SLC4A10: variants seen among roughly 807,000 people sequenced by gnomAD.
The protein encoded by SLC4A10 is sodium-driven chloride bicarbonate exchanger.
A neutral mutation model predicts 137.7 loss-of-function variants in SLC4A10; 42 were observed. The ratio of observed to expected loss-of-function variants is 0.30; its 90% CI spans 0.24 to 0.39. The LOEUF (loss-of-function observed/expected upper bound fraction) is 0.39. Among genes scored for constraint, SLC4A10 ranks in the 10% least tolerant of loss-of-function variants. SLC4A10 has a pLI of 1.00. For synonymous variants in SLC4A10, 474 were observed against 464.1 expected, an observed-to-expected ratio of 1.02 and a Z score of -0.27; for missense variants, 925 against 1,355.0, an observed-to-expected ratio of 0.68 and a Z score of 4.98.
intron 1 of SLC4A10, among the ~76,000 whole-genome samples, chr2:161,760,738 G>C (rs1164378413): frequency 2.0e-5 from 3 of 151,904 alleles, no homozygotes; most frequent in African/African-American, 7.3e-5. Flanking sequence ...GTCACTTATT[G>C]TATTTCCTTC....
At chr2:161,704,593 C>A (rs954953021) in intron 1 of SLC4A10, among the ~76,000 whole-genome samples, 15 of 151,432 alleles carry the variant, frequency 9.9e-5, no homozygotes, top group Non-Finnish European at 1.0e-4. Context: ...ATATTGGGAG[C>A]CATCTTTAAA....
intron 1 of SLC4A10, among the ~76,000 whole-genome samples, chr2:161,695,453 C>T (rs765267916): frequency 8.6e-5 from 13 of 151,944 alleles, no homozygotes; most frequent in African/African-American, 1.2e-4. Flanking sequence ...TCAGGAGGTA[C>T]GATTTTAGAG....
At chr2:161,740,027 C>T (rs1414539844) in intron 1 of SLC4A10, among the ~76,000 whole-genome samples, 1 of 152,184 alleles carries the variant, frequency 6.6e-6, no homozygotes, top group Admixed American at 6.5e-5. Context: ...CCATTGGCTA[C>T]TGCCCACAAG....
At chr2:161,914,525 A>C (rs969850495) in intron 15 of SLC4A10, among the ~76,000 whole-genome samples, 1 of 152,182 alleles carries the variant, frequency 6.6e-6, no homozygotes, top group African/African-American at 2.4e-5. Flanking sequence ...TTCTCTCTTC[A>C]TTACAAATGT....
intron 1 of SLC4A10, among the ~76,000 whole-genome samples, chr2:161,767,022 T>C (rs2050884831): frequency 6.8e-6 from 1 of 146,488 alleles, no homozygotes; most frequent in Non-Finnish European, 1.5e-5. Context: ...TATAATCCTT[T>C]ACCTGAAAGT....
intron 1 of SLC4A10, chr2:161,651,255 T>A (rs930798172): frequency 3.9e-5 from 6 of 152,236 alleles, no homozygotes; most frequent in Admixed American, 2.0e-4. Flanking sequence ...TGCTGAGAGC[T>A]GGACACTCAT....
In SLC4A10 at chr2:161,840,062, A is replaced by G. The variant is rs576937110; in HGVS notation, c.416+135A>G. 3.6e-5 allele frequency: 38 copies of G among 1,052,472 alleles called. No homozygotes were observed. In the East Asian group the frequency reaches 8.3e-4, roughly 23 times the overall value. The allele number at this position is 1,052,472 out of a possible 1,614,324, so 65.2% of individuals were successfully genotyped here. ...TAGAAGTTGCTCATCTAGCCTGAGCATATCCTATAACGGGATATGGGTCAG... is the reference window on the plus strand; with the variant it reads ...TAGAAGTTGCTCATCTAGCCTGAGCGTATCCTATAACGGGATATGGGTCAG... On this transcript the variant is annotated intron_variant, in intron 4 of 26. Transcript: ENST00000446997.
rs140152915 is a variant in SLC4A10 at position 161,694,863 on chromosome 2, A to T, written c.48+70297A>T. Among the ~76,000 whole-genome samples the T allele has an allele frequency of 2.6e-3, 392 of 152,146 alleles. 1 individual carries two copies. The highest frequency in any genetic ancestry group is 8.9e-3 in the African/African-American group (369 of 41,558). On this transcript the variant is annotated intron_variant, in intron 1 of 26. Transcript: ENST00000446997. ...AAAATTACTGCTAGATGTTAATGAT[A>T]TTGAGATAGATTATTTCAAAAATCT...
chr2:161,697,342 G>C (rs1170709738), intron 1 of SLC4A10, among the ~76,000 whole-genome samples: 1 of 152,086 alleles, frequency 6.6e-6, no homozygotes, highest in Admixed American at 6.6e-5. Context: ...GGCTTTTGTT[G>C]CCATTGCTTT....
rs1394042735 is a variant in SLC4A10, at chr2:161,815,317, G to A, written c.277+10722G>A. On this transcript the variant is annotated intron_variant, in intron 3 of 26. Transcript: ENST00000446997. ...TCCCTCATGCTGTTCTCGTGATGGT[G>A]AGTGATTTCTCATGAGATCTGAAGG... 2.6e-5 allele frequency among the ~76,000 whole-genome samples: 4 copies of A among 152,080 alleles called. No homozygotes were observed. The East Asian group carries it at 5.8e-4, about 22-fold the overall frequency.
rs1559366385 is a variant in SLC4A10 at position 161,839,840 on chromosome 2, A to C, written c.329A>C (p.Glu110Ala). ...QFILGTEDDD[E>A]EHIPHDLFTE... ...ATTCTTGGAACCGAGGATGATGACG[A>C]GGAACACATTCCTCATGACCTTTTC... The change falls in exon 4 of 27, where the codon GAG (glutamate) becomes GCG (alanine). Residue 110 changes from glutamate to alanine, a missense_variant. Glu to Ala is a moderately radical substitution (Grantham distance 107). Transcript: ENST00000446997. 1 of 1,613,940 alleles carries C rather than the reference A, an allele frequency of 6.2e-7. No homozygotes were observed. Among genetic ancestry groups the C allele is most frequent in the East Asian group, 2.2e-5 (1 of 44,884 alleles).
chr2:161,982,630 G>A (rs534727939), intron 26 of SLC4A10, among the ~76,000 whole-genome samples: 2 of 152,306 alleles, frequency 1.3e-5, no homozygotes, highest in African/African-American at 4.8e-5. Flanking sequence ...TAAAGAGATA[G>A]CACAGGTGTC....
At chr2:161,920,069 C>T (rs1231444894) in intron 15 of SLC4A10, among the ~76,000 whole-genome samples, 1 of 152,242 alleles carries the variant, frequency 6.6e-6, no homozygotes, top group Non-Finnish European at 1.5e-5. Flanking sequence ...GCATGCCTGA[C>T]TGTGCACAGT....
At chr2:161,692,591 G>A (rs1252174119) in intron 1 of SLC4A10, among the ~76,000 whole-genome samples, 5 of 152,114 alleles carry the variant, frequency 3.3e-5, no homozygotes, top group South Asian at 4.1e-4. Flanking sequence ...GAGTGTTAAC[G>A]TTGCTAATGA....
chr2:161,983,241 T>A lies in SLC4A10; in HGVS notation c.*89T>A. ...AAAGGTGTTGACAGGGAGACTTGTCTATGACTCGATCTTCAATTTATTTTT... is the reference window on the plus strand; with the variant it reads ...AAAGGTGTTGACAGGGAGACTTGTCAATGACTCGATCTTCAATTTATTTTT... On this transcript the variant is annotated 3_prime_UTR_variant, in exon 27 of 27. Coordinates refer to ENST00000446997, the MANE Select transcript of SLC4A10 (RefSeq NM_001178015.2). The A allele has an allele frequency of 6.5e-7, 1 of 1,536,360 alleles. No individual in the cohort carries two copies. Among genetic ancestry groups the A allele is most frequent in the Non-Finnish European group, 8.7e-7 (1 of 1,146,758 alleles).
At chr2:161,711,837 A>G (rs1461230908) in intron 1 of SLC4A10, among the ~76,000 whole-genome samples, 1 of 151,832 alleles carries the variant, frequency 6.6e-6, no homozygotes, top group Non-Finnish European at 1.5e-5. Flanking sequence ...TGTGTAATAT[A>G]GGGATAATAA....
At chr2:161,975,566 C>T (rs1315193843) in intron 24 of SLC4A10, among the ~76,000 whole-genome samples, 1 of 151,992 alleles carries the variant, frequency 6.6e-6, no homozygotes, top group Non-Finnish European at 1.5e-5. Context: ...TTTGAATTAC[C>T]AGGAAACTAT....
intron 23 of SLC4A10, among the ~76,000 whole-genome samples, chr2:161,970,269 G>A (rs1194538459): frequency 1.3e-5 from 2 of 152,112 alleles, no homozygotes; most frequent in African/African-American, 4.8e-5. Flanking sequence ...GTACTGATAT[G>A]AACTCTATAT....
At chr2:161,726,333 T>C (rs1009035434) in intron 1 of SLC4A10, among the ~76,000 whole-genome samples, 10 of 152,136 alleles carry the variant, frequency 6.6e-5, no homozygotes, top group South Asian at 2.1e-4. Flanking sequence ...TAGGTAAAAC[T>C]AGCTAATACA....
Sources: allele counts gnomAD v4.1 joint callset (sites outside exome capture counted in the v4.1 genomes callset), GRCh38; gene constraint gnomAD v4.1.1; transcripts MANE v1.5; gene names NCBI Gene and HGNC (gene_info 2026-07-23, HGNC 2026-07-21).